Variants in PDE4D observed in about 807,000 individuals in gnomAD.
PDE4D encodes phosphodiesterase 4D, also known as 3',5'-cyclic-AMP phosphodiesterase 4D.
In PDE4D, 24 loss-of-function variants were observed where a neutral mutation model predicts 87.4. The observed-to-expected ratio is 0.27, with a 90% CI of 0.20 to 0.39. The LOEUF is 0.39. Among genes scored for constraint, PDE4D ranks in the 10% least tolerant of loss-of-function variants. The pLI is 1.00. For synonymous variants in PDE4D, 384 were observed against 383.2 expected (o/e 1.00, Z -0.02); for missense variants, 714 against 1,041.0 (o/e 0.69, Z 4.32).
chr5:59,306,632 C>T (rs914828333), intron 1 of PDE4D, among the ~76,000 whole-genome samples: 20 of 151,906 alleles, frequency 1.3e-4, no homozygotes, highest in African/African-American at 4.4e-4. Flanking sequence ...GAATAAAATA[C>T]CTATGAATCC....
At chr5:60,042,469 A>G (rs1425852992) in intron 2 of PDE4D, among the ~76,000 whole-genome samples, 1 of 152,174 alleles carries the variant, frequency 6.6e-6, no homozygotes, top group Non-Finnish European at 1.5e-5. Context: ...GCTTCCTCAA[A>G]TGGGTCCCTC....
intron 1 of PDE4D, among the ~76,000 whole-genome samples, chr5:60,480,057 G>A (rs905150949): frequency 6.6e-6 from 1 of 152,162 alleles, no homozygotes; most frequent in Non-Finnish European, 1.5e-5. Context: ...AGCAGTCTGG[G>A]CCAGTTAGTG....
At chr5:60,272,328 C>T (rs1268723241) in intron 1 of PDE4D, among the ~76,000 whole-genome samples, 4 of 152,156 alleles carry the variant, frequency 2.6e-5, no homozygotes, top group African/African-American at 2.4e-5. Context: ...GTCATCAACC[C>T]GTATACTTAT....
In PDE4D at chr5:58,975,156, G is replaced by A. The variant is rs562407848; in HGVS notation, c.2014-76C>T. The A allele has an allele frequency of 1.2e-6, 1 of 863,010 alleles. No homozygotes were observed. Among genetic ancestry groups the A allele is most frequent in the South Asian group, 3.7e-5 (1 of 27,220 alleles). The allele number at this position is 863,010 out of a possible 1,614,324, so 53.5% of individuals were successfully genotyped here. A position where few individuals can be genotyped will look rare whatever the true frequency, so the allele number is the denominator to read the frequency against. On this transcript the variant is annotated intron_variant, in intron 14 of 14. Coordinates refer to ENST00000340635, the MANE Select transcript of PDE4D (RefSeq NM_001104631.2). This position sits in a 1 kb window ranked among gnomAD's most constrained non-coding sequence, Gnocchi z 4.2. The stretch of plus-strand genomic sequence containing the variant: ...AATGGAAAAGCTTAATTAGATCATG[G>A]CCCACAAATAAAACACTGAACAGAA...
Position 59,745,406 on chromosome 5 carries a change from AC to A in PDE4D, c.455+147761del, listed in dbSNP as rs1434903474. On this transcript the variant is annotated intron_variant, in intron 1 of 14. Coordinates refer to ENST00000340635, the MANE Select transcript of PDE4D (RefSeq NM_001104631.2). ...ACGCTATGCCTCTTTTAAATGGGCC[AC>A]CCTGTATATTCTGAATGAGCTTTTT... 5.3e-5 allele frequency among the ~76,000 whole-genome samples: 8 copies of A among 152,282 alleles called. No individual in the cohort carries two copies. The East Asian group carries it at 1.5e-3, about 29-fold the overall frequency.
intron 1 of PDE4D, among the ~76,000 whole-genome samples, chr5:59,503,228 C>T (rs1008403263): frequency 6.6e-6 from 1 of 152,050 alleles, no homozygotes; most frequent in East Asian, 1.9e-4. Flanking sequence ...TTCAGGAGGT[C>T]CATCATCTAT....
At chr5:59,182,313 A>G (rs1024697838) in intron 4 of PDE4D, among the ~76,000 whole-genome samples, 9 of 151,608 alleles carry the variant, frequency 5.9e-5, no homozygotes, top group African/African-American at 2.4e-5. Flanking sequence ...GCTGGAGTGC[A>G]GTGGTGTGAT....
chr5:60,190,056 A>G (rs1785083870), intron 1 of PDE4D, among the ~76,000 whole-genome samples: 1 of 152,258 alleles, frequency 6.6e-6, no homozygotes, highest in Non-Finnish European at 1.5e-5. Context: ...GGCATGTATA[A>G]AAAGAGAAGC....
At chr5:60,027,800 T>C (rs1766796422) in intron 2 of PDE4D, among the ~76,000 whole-genome samples, 1 of 152,212 alleles carries the variant, frequency 6.6e-6, no homozygotes, top group Non-Finnish European at 1.5e-5. Context: ...GACTACATCA[T>C]GCAGTGGAAT....
chr5:59,982,292 G>T (rs1762003185), intron 3 of PDE4D, among the ~76,000 whole-genome samples: 1 of 152,104 alleles, frequency 6.6e-6, no homozygotes. Flanking sequence ...TCTATCCAGA[G>T]GTGTGTCATC....
intron 1 of PDE4D, among the ~76,000 whole-genome samples, chr5:59,425,992 TA>T (rs1428899285): frequency 1.3e-5 from 2 of 152,286 alleles, no homozygotes; most frequent in East Asian, 3.9e-4. Flanking sequence ...GATTAAAATT[TA>T]AATAAGCCTT....
intron 1 of PDE4D, among the ~76,000 whole-genome samples, chr5:59,389,131 A>G (rs1787720280): frequency 6.6e-6 from 1 of 152,062 alleles, no homozygotes; most frequent in South Asian, 2.1e-4. Context: ...GAGAGATTTG[A>G]TCTAGTCAAA....
intron 1 of PDE4D, among the ~76,000 whole-genome samples, chr5:59,829,863 G>A (rs751399822): frequency 1.3e-5 from 2 of 151,808 alleles, no homozygotes; most frequent in South Asian, 2.1e-4. Flanking sequence ...CACACATACC[G>A]GATGTATGTG....
intron 2 of PDE4D, among the ~76,000 whole-genome samples, chr5:60,100,084 G>T (rs1776068439): frequency 1.3e-5 from 2 of 151,972 alleles, no homozygotes; most frequent in South Asian, 2.1e-4. Context: ...AAGAGGAAAA[G>T]CTTCATGCAC....
chr5:59,180,775 T>C (rs903026086), intron 4 of PDE4D, 131 bp from the exon 5 acceptor site: 8 of 863,104 alleles, frequency 9.3e-6, no homozygotes, highest in African/African-American at 8.4e-5. Context: ...AAATGATTTC[T>C]TTCAGACTAG....
chr5:59,391,925 T>C (rs1166811324), intron 1 of PDE4D, among the ~76,000 whole-genome samples: 2 of 148,650 alleles, frequency 1.3e-5, no homozygotes, highest in African/African-American at 2.4e-5. Context: ...TATTTTTAAA[T>C]ATAGATATAT....
rs145363052 is a variant in PDE4D at position 60,349,374 on chromosome 5, C to A, written c.-90+138568G>T. On this transcript the variant is annotated intron_variant, in intron 1 of 16. Coordinates refer to the PDE4D transcript ENST00000502484. ...TAAAAACAGATCTTACAATTACAGA[C>A]CCCCACATCTAAGGAAAATCAAATA... Among the ~76,000 whole-genome samples, 14 of 152,222 alleles carry A rather than the reference C, an allele frequency of 9.2e-5. No homozygotes were observed. In the East Asian group the frequency reaches 2.1e-3, roughly 23 times the overall value.
At chr5:60,146,781 G>A (rs893595995) in intron 2 of PDE4D, among the ~76,000 whole-genome samples, 1 of 152,054 alleles carries the variant, frequency 6.6e-6, no homozygotes, top group African/African-American at 2.4e-5. Flanking sequence ...TCAATAGCAA[G>A]AAAATAAATA....
intron 1 of PDE4D, among the ~76,000 whole-genome samples, chr5:60,186,115 A>G (rs2075069675): frequency 6.6e-6 from 1 of 152,150 alleles, no homozygotes; most frequent in South Asian, 2.1e-4. Context: ...ATGTGAAGAA[A>G]AGAGCCCTCT....
Sources: gnomAD v4.1 joint callset for allele counts (sites outside exome capture counted in the v4.1 genomes callset) on GRCh38, gnomAD v4.1.1 for gene constraint, Gnocchi (gnomAD v3.1) non-coding constraint, MANE v1.5 for transcripts, NCBI Gene and HGNC (gene_info 2026-07-23, HGNC 2026-07-21) for gene names.